Variants in SCAPER observed in about 807,000 individuals in gnomAD.
SCAPER encodes the protein S phase cyclin A-associated protein in the endoplasmic reticulum.
SCAPER carries 98 observed loss-of-function variants against 182.2 expected under a neutral mutation model. The ratio of observed to expected loss-of-function variants is 0.54; its 90% CI spans 0.46 to 0.64. The LOEUF is 0.64. Among genes scored for constraint, SCAPER ranks in the 30% least tolerant of loss-of-function variants. SCAPER has a pLI of 0.00. For missense variants in SCAPER, 1,432 were observed against 1,690.0 expected (o/e 0.85, Z 2.68); for synonymous variants, 605 against 564.6 (o/e 1.07, Z -1.01).
chr15:76,403,474 T>C (rs1337361486), intron 27 of SCAPER, among the ~76,000 whole-genome samples: 1 of 152,138 alleles, frequency 6.6e-6, no homozygotes, highest in Non-Finnish European at 1.5e-5. Context: ...TAAGGAAGGA[T>C]AGGTGGGCTT....
chr15:76,767,215 T>A, intron 10 of SCAPER, 127 bp from the exon 11 acceptor site: 1 of 933,736 alleles, frequency 1.1e-6, no homozygotes, highest in East Asian at 2.8e-5. Context: ...TCATAAAAGC[T>A]GGGGTTCCAT....
At chr15:76,422,145 A>G (rs1021827572) in intron 26 of SCAPER, among the ~76,000 whole-genome samples, 3 of 152,118 alleles carry the variant, frequency 2.0e-5, no homozygotes, top group African/African-American at 4.8e-5. Flanking sequence ...GTTTTTTCCA[A>G]TTCTGTGAAG....
chr15:76,699,750 C>T (rs1033876080), intron 20 of SCAPER, among the ~76,000 whole-genome samples: 1 of 152,222 alleles, frequency 6.6e-6, no homozygotes, highest in Non-Finnish European at 1.5e-5. Flanking sequence ...ATGGCGGGCG[C>T]TGGCAAAATC....
chr15:76,868,298 CAGG>C (rs1387526373), intron 2 of SCAPER, among the ~76,000 whole-genome samples: 1 of 152,034 alleles, frequency 6.6e-6, no homozygotes, highest in African/African-American at 2.4e-5. Context: ...GAGGCAGAGG[CAGG>C]AGAATTGCTT....
At chr15:76,758,966 T>C (rs1428619814) in intron 14 of SCAPER, among the ~76,000 whole-genome samples, 2 of 143,982 alleles carry the variant, frequency 1.4e-5, no homozygotes, top group African/African-American at 2.4e-5. Context: ...TCATATATTA[T>C]TTCTCAAAGT....
At chr15:76,857,972 C>T (rs1599140799) in intron 3 of SCAPER, 93 bp from the exon 4 acceptor site, 9 of 854,442 alleles carry the variant, frequency 1.1e-5, no homozygotes, top group Admixed American at 4.8e-5. Context: ...TAAACCTAAA[C>T]TACGCAAATC....
intron 23 of SCAPER, among the ~76,000 whole-genome samples, chr15:76,512,652 T>TA (rs1257077760): frequency 3.7e-4 from 56 of 149,830 alleles, no homozygotes; most frequent in African/African-American, 1.0e-3. Flanking sequence ...ATCTATGCCT[T>TA]AAAAAAAAAC....
In SCAPER at chr15:76,806,393, G is replaced by A. The variant is rs544322132; in HGVS notation, c.394-1760C>T. Among the ~76,000 whole-genome samples, 11 of 152,230 alleles carry A rather than the reference G, an allele frequency of 7.2e-5. No individual in the cohort carries two copies. The East Asian group carries it at 2.1e-3, about 29-fold the overall frequency. Reference sequence around the variant, plus strand: ...CCAAGGATTTCAAATCTATTTCATTGATCCATATATCTATCCTACTGCCAG... The same window carrying A: ...CCAAGGATTTCAAATCTATTTCATTAATCCATATATCTATCCTACTGCCAG... On this transcript the variant is annotated intron_variant, in intron 5 of 31. Coordinates refer to ENST00000563290, the MANE Select transcript of SCAPER (RefSeq NM_020843.4).
intron 21 of SCAPER, among the ~76,000 whole-genome samples, chr15:76,663,543 A>G (rs570459520): frequency 6.6e-6 from 1 of 152,240 alleles, no homozygotes; most frequent in Admixed American, 6.6e-5. Context: ...GGAAGAAATT[A>G]CATATACACA....
At chr15:76,883,951 T>C (rs1051984423) in intron 1 of SCAPER, 75 bp from the exon 2 acceptor site, 18 of 719,814 alleles carry the variant, frequency 2.5e-5, no homozygotes, top group Non-Finnish European at 3.7e-5. Flanking sequence ...AAGATACAAA[T>C]CTCATCCCCA....
intron 2 of SCAPER, among the ~76,000 whole-genome samples, chr15:76,874,912 A>G (rs1315585663): frequency 6.6e-6 from 1 of 152,128 alleles, no homozygotes; most frequent in Non-Finnish European, 1.5e-5. Flanking sequence ...TCAGTGAGCT[A>G]TGATCATCAT....
Position 76,787,222 on chromosome 15 carries a change from A to G in SCAPER, c.772+8058T>C, listed in dbSNP as rs932312613. On this transcript the variant is annotated intron_variant, in intron 8 of 31. Coordinates refer to ENST00000563290, the MANE Select transcript of SCAPER (RefSeq NM_020843.4). Reference sequence around the variant, plus strand: ...AGAAAAGAAGCAATCACTCTACCCAATATTAAGGCTTACCACAGAGTTAAT... The same window carrying G: ...AGAAAAGAAGCAATCACTCTACCCAGTATTAAGGCTTACCACAGAGTTAAT... Among the ~76,000 whole-genome samples, 19 of 152,342 alleles carry G rather than the reference A, an allele frequency of 1.2e-4. 1 individual carries two copies. The highest frequency in any genetic ancestry group is 3.8e-4 in the African/African-American group (16 of 41,574).
rs573009882 is a variant in SCAPER at position 76,708,288 on chromosome 15, T to C, written c.2166-2304A>G. ...TTTGGGGTTGTCTTCCCGAATATTT[T>C]TGACCCATGGTTGACTGAATCTGCA... On this transcript the variant is annotated intron_variant, in intron 17 of 31. Coordinates refer to ENST00000563290, the MANE Select transcript of SCAPER (RefSeq NM_020843.4). 2.6e-5 allele frequency among the ~76,000 whole-genome samples: 4 copies of C among 152,274 alleles called. No homozygotes were observed. The South Asian group carries it at 8.3e-4, about 32-fold the overall frequency.
intron 27 of SCAPER, among the ~76,000 whole-genome samples, chr15:76,390,868 C>CA (rs1198995707): frequency 6.6e-6 from 1 of 152,208 alleles, no homozygotes; most frequent in East Asian, 1.9e-4. Context: ...ACTGTCATAT[C>CA]AGGTGCTGCA....
At chr15:76,429,755 T>G (rs569219635) in intron 26 of SCAPER, among the ~76,000 whole-genome samples, 27 of 152,280 alleles carry the variant, frequency 1.8e-4, no homozygotes, top group African/African-American at 5.5e-4. Context: ...GCAGCCTGAC[T>G]ACGCGATAGA....
At chr15:76,422,044 G>A (rs1354162015) in intron 26 of SCAPER, among the ~76,000 whole-genome samples, 1 of 152,192 alleles carries the variant, frequency 6.6e-6, no homozygotes, top group Non-Finnish European at 1.5e-5. Flanking sequence ...ATAGTTTGAA[G>A]TCAGGTAGCG....
chr15:76,780,059 A>G (rs7174096), intron 8 of SCAPER, among the ~76,000 whole-genome samples: 72,295 of 152,168 alleles, frequency 0.48, 18,456 homozygotes, highest in Middle Eastern at 0.63. Flanking sequence ...AAGGCGAGCC[A>G]AAGCAGGGCT....
intron 17 of SCAPER, among the ~76,000 whole-genome samples, chr15:76,721,867 G>A (rs544933073): frequency 3.3e-5 from 5 of 152,010 alleles, no homozygotes; most frequent in South Asian, 2.1e-4. Flanking sequence ...TCATGTCATC[G>A]GCAAACAGGG....
chr15:76,479,860 T>C (rs993508881), intron 24 of SCAPER, among the ~76,000 whole-genome samples: 5 of 152,150 alleles, frequency 3.3e-5, no homozygotes, highest in African/African-American at 1.2e-4. Flanking sequence ...CCAAAGGCAA[T>C]TTCACAAAAT....
Sources: allele counts gnomAD v4.1 joint callset (sites outside exome capture counted in the v4.1 genomes callset), GRCh38; gene constraint gnomAD v4.1.1; transcripts MANE v1.5; gene names NCBI Gene and HGNC (gene_info 2026-07-23, HGNC 2026-07-21).